The following ZNF536 variants were observed in gnomAD, a reference collection of about 807,000 sequenced individuals.
ZNF536 encodes zinc finger protein 536.
ZNF536 carries 13 observed loss-of-function variants against 84.5 expected under a neutral mutation model. That is an observed-to-expected ratio of 0.15 (90% CI 0.10 to 0.24). The LOEUF (loss-of-function observed/expected upper bound fraction) is 0.24, where lower values mean the gene tolerates loss of function less well. ZNF536 is among the 10% of genes least tolerant of loss of function. The pLI is 1.00. For synonymous variants in ZNF536, 811 were observed against 742.5 expected (o/e 1.09, Z -1.50); for missense variants, 1,536 against 1,747.5 (o/e 0.88, Z 2.16).
intron 2 of ZNF536, among the ~76,000 whole-genome samples, chr19:30,449,348 C>T (rs1383142494): frequency 6.6e-6 from 1 of 152,192 alleles, no homozygotes; most frequent in East Asian, 1.9e-4. Flanking sequence ...TCATTTCTGG[C>T]TTGCATGCAA....
intron 1 of ZNF536, among the ~76,000 whole-genome samples, chr19:30,675,953 G>A (rs1364379323): frequency 6.6e-6 from 1 of 152,078 alleles, no homozygotes; most frequent in Non-Finnish European, 1.5e-5. Flanking sequence ...GACCTCCTAG[G>A]CTCAAGTGAT....
intron 1 of ZNF536, among the ~76,000 whole-genome samples, chr19:30,645,243 A>G (rs564015187): frequency 2.6e-5 from 4 of 151,844 alleles, no homozygotes; most frequent in African/African-American, 9.7e-5. Context: ...AATTTGTTGG[A>G]GTTCATTGTA....
intron 2 of ZNF536, among the ~76,000 whole-genome samples, chr19:30,350,064 G>C (rs1045881709): frequency 6.6e-5 from 10 of 152,012 alleles, no homozygotes; most frequent in Admixed American, 5.9e-4. Context: ...TCATTAGAAA[G>C]TCTGGTGTCT....
At chr19:30,361,409 TTA>T (rs1568359319) in intron 3 of ZNF536, among the ~76,000 whole-genome samples, 1 of 152,088 alleles carries the variant, frequency 6.6e-6, no homozygotes, top group Non-Finnish European at 1.5e-5. Context: ...AACAAAAGCT[TTA>T]TGTCATATTT....
intron 1 of ZNF536, among the ~76,000 whole-genome samples, chr19:30,420,493 T>G (rs2050907919): frequency 6.6e-6 from 1 of 152,224 alleles, no homozygotes; most frequent in Non-Finnish European, 1.5e-5. Context: ...TCAAAATCTC[T>G]TAGCATCATC....
chr19:30,612,430 C>T (rs1047332408), intron 1 of ZNF536, among the ~76,000 whole-genome samples: 5 of 152,106 alleles, frequency 3.3e-5, no homozygotes, highest in Admixed American at 1.3e-4. Context: ...CCAGAGGAAA[C>T]GGGGTGCCCA....
chr19:30,701,290 AAC>A (rs1378164588), intron 1 of ZNF536, among the ~76,000 whole-genome samples: 3 of 145,602 alleles, frequency 2.1e-5, no homozygotes, highest in African/African-American at 5.1e-5. Flanking sequence ...TACAAACACA[AAC>A]ACACATACAC....
At chr19:30,509,725 A>G (rs1328869895) in intron 2 of ZNF536, among the ~76,000 whole-genome samples, 2 of 152,184 alleles carry the variant, frequency 1.3e-5, no homozygotes, top group Non-Finnish European at 2.9e-5. Context: ...GAATCCCACA[A>G]TCAGTACACT....
chr19:30,644,121 A>T (rs1289596930), intron 1 of ZNF536, among the ~76,000 whole-genome samples: 2 of 152,192 alleles, frequency 1.3e-5, no homozygotes, highest in African/African-American at 4.8e-5. Flanking sequence ...CTTGTTCAAG[A>T]AGTGCTTGTC....
At chr19:30,425,617 C>T (rs2051180407) in intron 1 of ZNF536, among the ~76,000 whole-genome samples, 1 of 152,132 alleles carries the variant, frequency 6.6e-6, no homozygotes, top group African/African-American at 2.4e-5. Context: ...AAACAGCTGC[C>T]ACAGCTCCAG....
rs2148238193 is a variant in ZNF536, at chr19:30,445,761, A to T, written c.2170+29A>T. ...GGTTAGCTGAGAAGCGGGGAGAAGC[A>T]GCTTGTACAGCAGCCCTGCTCAGGG... On this transcript the variant is annotated intron_variant, in intron 2 of 4. Transcript: ENST00000355537. This position sits in a 1 kb window ranked among gnomAD's most constrained non-coding sequence, Gnocchi z 4.5. 6.5e-7 allele frequency: 1 copy of T among 1,528,088 alleles called. No individual in the cohort carries two copies. The highest frequency in any genetic ancestry group is 1.3e-5 in the South Asian group (1 of 76,766). The allele number at this position is 1,528,088 out of a possible 1,614,324, so 94.7% of individuals were successfully genotyped here. A position where few individuals can be genotyped will look rare whatever the true frequency, so the allele number is the denominator to read the frequency against.
At position 30,279,696 on chromosome 19, in the gene ZNF536, G is replaced by A. The variant is rs575759663; in HGVS notation, c.-189-4376G>A. ...GAAGACGCTCTGTGTATCTTGGGAC[G>A]CAGAGAGCCTGCTCTTGGTAGAGGG... On this transcript the variant is annotated intron_variant, in intron 1 of 5. Transcript: ENST00000585628. Among the ~76,000 whole-genome samples the A allele has an allele frequency of 2.4e-4, 36 of 152,294 alleles. No individual in the cohort carries two copies. In the East Asian group the frequency reaches 6.8e-3, roughly 29 times the overall value.
intron 1 of ZNF536, among the ~76,000 whole-genome samples, chr19:30,384,120 C>A (rs1242213930): frequency 6.7e-5 from 4 of 60,150 alleles, no homozygotes; most frequent in Non-Finnish European, 1.4e-4. Flanking sequence ...TTCTTTCTTT[C>A]TTTCTTTCTT....
intron 1 of ZNF536, among the ~76,000 whole-genome samples, chr19:30,707,933 C>T (rs2052308056): frequency 6.6e-6 from 1 of 150,544 alleles, no homozygotes; most frequent in South Asian, 2.1e-4. Flanking sequence ...ATCACTTGAA[C>T]CCAGGAGGCA....
At chr19:30,524,367 A>G (rs1346744916) in intron 2 of ZNF536, among the ~76,000 whole-genome samples, 2 of 152,268 alleles carry the variant, frequency 1.3e-5, no homozygotes, top group Admixed American at 6.5e-5. Context: ...TGGAACGGCT[A>G]TATTAAAAGC....
Position 30,535,256 on chromosome 19 carries a change from C to T in ZNF536, c.2323+257C>T, listed in dbSNP as rs145269811. ...TGGTCCTGGCCTGGGATAACTGGGT[C>T]GCGTCTGAGCCTCTAGGGCGTTTTG... On this transcript the variant is annotated intron_variant, in intron 3 of 4. Transcript: ENST00000355537. Among the ~76,000 whole-genome samples, 791 of 152,270 alleles carry T rather than the reference C, an allele frequency of 5.2e-3. 2 individuals are homozygous for T. The highest frequency in any genetic ancestry group is 8.7e-3 in the Non-Finnish European group (595 of 68,020).
At chr19:30,379,956 G>A (rs909716850) in intron 1 of ZNF536, among the ~76,000 whole-genome samples, 1 of 152,146 alleles carries the variant, frequency 6.6e-6, no homozygotes, top group African/African-American at 2.4e-5. Context: ...GTGAATGAGA[G>A]AGCTCAGATC....
intron 1 of ZNF536, among the ~76,000 whole-genome samples, chr19:30,628,135 C>T (rs963827022): frequency 1.3e-5 from 2 of 152,218 alleles, no homozygotes; most frequent in Non-Finnish European, 2.9e-5. Context: ...TCCCCTCCAG[C>T]ACCCCTGGGG....
intron 1 of ZNF536, among the ~76,000 whole-genome samples, chr19:30,575,682 A>T (rs946676619): frequency 6.6e-6 from 1 of 152,198 alleles, no homozygotes; most frequent in Non-Finnish European, 1.5e-5. Flanking sequence ...TGAGAAGGCT[A>T]TGGAGAGAAA....
Sources: allele counts gnomAD v4.1 joint callset (sites outside exome capture counted in the v4.1 genomes callset), GRCh38; gene constraint gnomAD v4.1.1; non-coding constraint Gnocchi (gnomAD v3.1); transcripts MANE v1.5; gene names NCBI Gene and HGNC (gene_info 2026-07-23, HGNC 2026-07-21).